GUCY1A2: variants seen among roughly 807,000 people sequenced by gnomAD.
The protein encoded by GUCY1A2 is guanylate cyclase 1 soluble subunit alpha 2, also known as guanylate cyclase soluble subunit alpha-2.
A neutral mutation model predicts 63.5 loss-of-function variants in GUCY1A2; 27 were observed. That is an observed-to-expected ratio of 0.43 (90% CI 0.31 to 0.59). GUCY1A2 has a LOEUF of 0.59. GUCY1A2 is among the 20% of genes least tolerant of loss of function. GUCY1A2 has a pLI of 0.11. For synonymous variants in GUCY1A2, 364 were observed against 343.5 expected (o/e 1.06, Z -0.66); for missense variants, 768 against 913.3 (o/e 0.84, Z 2.05).
chr11:106,728,782 C>T (rs1208519123), intron 6 of GUCY1A2, among the ~76,000 whole-genome samples: 1 of 152,150 alleles, frequency 6.6e-6, no homozygotes, highest in Admixed American at 6.5e-5. Context: ...AATCTACACT[C>T]TGAGAGGAGG....
chr11:106,814,251 T>C (rs766032610), intron 4 of GUCY1A2, among the ~76,000 whole-genome samples: 80 of 152,214 alleles, frequency 5.3e-4, no homozygotes, highest in Admixed American at 1.4e-3. Context: ...TGGGCACTTC[T>C]AGATTTGGTT....
intron 5 of GUCY1A2, among the ~76,000 whole-genome samples, chr11:106,781,741 T>A (rs1033819291): frequency 7.3e-5 from 11 of 151,114 alleles, no homozygotes; most frequent in Non-Finnish European, 1.5e-4. Flanking sequence ...TTTTTTTTTT[T>A]AATTTTTGTA....
chr11:106,804,555 G>T lies in GUCY1A2; in HGVS notation c.1692+5438C>A, dbSNP rs1385743133. Among the ~76,000 whole-genome samples, 4 of 152,200 alleles carry T rather than the reference G, an allele frequency of 2.6e-5. 1 individual carries two copies. The South Asian group carries it at 8.3e-4, about 32-fold the overall frequency. On this transcript the variant is annotated intron_variant, in intron 5 of 7. Transcript: ENST00000526355. The stretch of plus-strand genomic sequence containing the variant: ...TGTGAAATCTATTTCATGCTGAAGT[G>T]ATATCCTTGAGAATCTACTGCATTT...
At chr11:106,716,794 AG>A (rs1440234051) in intron 6 of GUCY1A2, among the ~76,000 whole-genome samples, 65 of 117,038 alleles carry the variant, frequency 5.6e-4, no homozygotes, top group African/African-American at 8.5e-4. Flanking sequence ...AAAAAAAAAA[AG>A]ATAAGAGTAA....
At chr11:106,901,933 G>A (rs913641164) in intron 4 of GUCY1A2, among the ~76,000 whole-genome samples, 1 of 152,084 alleles carries the variant, frequency 6.6e-6, no homozygotes, top group African/African-American at 2.4e-5. Context: ...TGTGAATAGT[G>A]CCGCAATAAC....
At chr11:106,905,571 T>C (rs1159485352) in intron 4 of GUCY1A2, among the ~76,000 whole-genome samples, 1 of 151,968 alleles carries the variant, frequency 6.6e-6, no homozygotes, top group African/African-American at 2.4e-5. Context: ...CCATATCACT[T>C]AGAGAATTGG....
At chr11:106,874,463 TCA>T (rs1355734281) in intron 4 of GUCY1A2, among the ~76,000 whole-genome samples, 11 of 152,158 alleles carry the variant, frequency 7.2e-5, no homozygotes, top group African/African-American at 2.4e-4. Flanking sequence ...CTATCTTATG[TCA>T]CAGTCTCAAA....
At chr11:106,791,222 A>G (rs77860641) in intron 5 of GUCY1A2, among the ~76,000 whole-genome samples, 7,212 of 152,280 alleles carry the variant, frequency 0.047, 168 homozygotes, top group East Asian at 0.11. Flanking sequence ...TGTCAGCTGA[A>G]TTCAGCCTGG....
In GUCY1A2 at chr11:106,674,494, T is replaced by C. The variant is rs1862313049; in HGVS notation, c.*13055A>G. On this transcript the variant is annotated 3_prime_UTR_variant, in exon 8 of 8. Coordinates refer to ENST00000526355, the MANE Select transcript of GUCY1A2 (RefSeq NM_000855.3). ...AAGAAAAATATTTTAAAATATAATA[T>C]GAAATACCAAATGAAACTTTTTTAA... 1.7e-5 allele frequency: 3 copies of C among 177,486 alleles called. No homozygotes were observed. The highest frequency in any genetic ancestry group is 3.6e-5 in the Non-Finnish European group (3 of 82,752). The allele number at this position is 177,486 out of a possible 1,614,324, so 11.0% of individuals were successfully genotyped here.
chr11:106,987,781 T>C (rs1471969156), intron 1 of GUCY1A2, among the ~76,000 whole-genome samples: 1 of 152,134 alleles, frequency 6.6e-6, no homozygotes, highest in Non-Finnish European at 1.5e-5. Flanking sequence ...TTCGAATCTT[T>C]AACATCCTCC....
chr11:106,881,528 C>A (rs1859823391), intron 4 of GUCY1A2, among the ~76,000 whole-genome samples: 1 of 151,964 alleles, frequency 6.6e-6, no homozygotes, highest in Non-Finnish European at 1.5e-5. Context: ...ATATGAAAGT[C>A]TGCCTTATGG....
intron 4 of GUCY1A2, among the ~76,000 whole-genome samples, chr11:106,888,579 C>T (rs1337631178): frequency 6.6e-6 from 1 of 152,122 alleles, no homozygotes; most frequent in Non-Finnish European, 1.5e-5. Context: ...GTTTTTGTTT[C>T]CCTTGCTTTC....
At chr11:106,958,649 G>GT (rs1861021509) in intron 3 of GUCY1A2, among the ~76,000 whole-genome samples, 3 of 149,148 alleles carry the variant, frequency 2.0e-5, no homozygotes, top group Non-Finnish European at 4.4e-5. Flanking sequence ...CACACACACA[G>GT]TATGTATGAT....
intron 6 of GUCY1A2, among the ~76,000 whole-genome samples, chr11:106,772,811 G>A (rs1864281005): frequency 6.6e-6 from 1 of 152,132 alleles, no homozygotes; most frequent in Non-Finnish European, 1.5e-5. Flanking sequence ...CAGCTGGTAG[G>A]CTTGAAAATT....
intron 7 of GUCY1A2, among the ~76,000 whole-genome samples, chr11:106,699,789 C>CT (rs1470583908): frequency 1.2e-3 from 172 of 147,838 alleles, no homozygotes; most frequent in Non-Finnish European, 1.5e-3. Context: ...TCTTTTTTTT[C>CT]TTTTTTTTTT....
intron 7 of GUCY1A2, among the ~76,000 whole-genome samples, chr11:106,705,790 G>A (rs1358770872): frequency 6.6e-6 from 1 of 152,078 alleles, no homozygotes; most frequent in Non-Finnish European, 1.5e-5. Context: ...AACCCGGGAG[G>A]CGGAGGTTGC....
chr11:106,971,143 T>A (rs944070564), intron 3 of GUCY1A2, among the ~76,000 whole-genome samples: 1 of 151,970 alleles, frequency 6.6e-6, no homozygotes, highest in Non-Finnish European at 1.5e-5. Context: ...TAATGGCAGT[T>A]ATATGACATT....
intron 4 of GUCY1A2, among the ~76,000 whole-genome samples, chr11:106,845,902 A>G (rs1396863917): frequency 6.6e-6 from 1 of 151,658 alleles, no homozygotes; most frequent in African/African-American, 2.4e-5. Flanking sequence ...TTCAACGAAA[A>G]GATTTACAGC....
At chr11:107,014,350 G>C (rs1038570958) in intron 1 of GUCY1A2, among the ~76,000 whole-genome samples, 1 of 152,052 alleles carries the variant, frequency 6.6e-6, no homozygotes. Context: ...GCCTCCCAAA[G>C]TGCTGGGATT....
Sources: allele counts gnomAD v4.1 joint callset (sites outside exome capture counted in the v4.1 genomes callset), GRCh38; gene constraint gnomAD v4.1.1; transcripts MANE v1.5; gene names NCBI Gene and HGNC (gene_info 2026-07-23, HGNC 2026-07-21).